Variants in BIN3 observed in about 807,000 individuals in gnomAD.
The protein encoded by BIN3 is bridging integrator 3.
Under a neutral mutation model 38.2 loss-of-function variants are expected in BIN3, and 41 were observed. The observed-to-expected ratio is 1.07, with a 90% confidence interval of 0.84 to 1.39. The LOEUF is 1.39. Ranked by LOEUF, BIN3 falls within the 40% of genes most tolerant of loss-of-function variation. The pLI is 0.00. For synonymous variants in BIN3, 145 were observed against 122.6 expected (o/e 1.18, Z -1.21); for missense variants, 361 against 324.3 (o/e 1.11, Z -0.87).
chr8:22,638,650 T>C (rs1248113267), intron 2 of BIN3, among the ~76,000 whole-genome samples: 2 of 152,222 alleles, frequency 1.3e-5, no homozygotes, highest in African/African-American at 4.8e-5. Context: ...TCTGGCTCTC[T>C]GGGCATGACA....
At chr8:22,666,300 A>C (rs1803415674) in intron 1 of BIN3, among the ~76,000 whole-genome samples, 1 of 147,524 alleles carries the variant, frequency 6.8e-6, no homozygotes, top group South Asian at 2.3e-4. Flanking sequence ...GAAGAGAGAC[A>C]GGAAGGGGAA....
intron 5 of BIN3, 77 bp downstream of exon 5, chr8:22,630,365 C>T: frequency 6.4e-7 from 1 of 1,553,972 alleles, no homozygotes; most frequent in Non-Finnish European, 8.7e-7. Context: ...CCCACTCGGG[C>T]CTCCCCGCAC....
At chr8:22,635,233 A>G (rs1802331102) in intron 4 of BIN3, among the ~76,000 whole-genome samples, 1 of 151,760 alleles carries the variant, frequency 6.6e-6, no homozygotes, top group Non-Finnish European at 1.5e-5. Flanking sequence ...CCACCTCCTT[A>G]TTTTTATTGA....
chr8:22,649,711 AAAAC>A (rs1050678002), intron 1 of BIN3, among the ~76,000 whole-genome samples: 23 of 152,216 alleles, frequency 1.5e-4, no homozygotes, highest in Middle Eastern at 3.4e-3. Flanking sequence ...AACAAAAACA[AAAAC>A]AAACAAACAA....
At chr8:22,645,506 G>A (rs1351221991) in intron 1 of BIN3, among the ~76,000 whole-genome samples, 1 of 151,088 alleles carries the variant, frequency 6.6e-6, no homozygotes, top group East Asian at 1.9e-4. Flanking sequence ...GAAGGGAACA[G>A]AAGGGAAGAA....
At chr8:22,654,237 T>C (rs1483851901) in intron 1 of BIN3, among the ~76,000 whole-genome samples, 2 of 152,222 alleles carry the variant, frequency 1.3e-5, no homozygotes, top group African/African-American at 4.8e-5. Flanking sequence ...ACTATGGATT[T>C]ATGCCTTAAA....
At chr8:22,633,287 C>G (rs4072394) in intron 4 of BIN3, among the ~76,000 whole-genome samples, 1 of 151,822 alleles carries the variant, frequency 6.6e-6, no homozygotes, top group African/African-American at 2.4e-5. Flanking sequence ...CTGGATGACA[C>G]AGTGTGACTC....
intron 1 of BIN3, among the ~76,000 whole-genome samples, chr8:22,655,474 C>A (rs1803027365): frequency 6.6e-6 from 1 of 152,180 alleles, no homozygotes; most frequent in Admixed American, 6.5e-5. Context: ...GGTAGGGGTC[C>A]AACTTCATTC....
intron 1 of BIN3, among the ~76,000 whole-genome samples, chr8:22,655,837 T>G (rs1037584479): frequency 6.6e-6 from 1 of 152,228 alleles, no homozygotes; most frequent in East Asian, 1.9e-4. Flanking sequence ...GTCCATTGTT[T>G]TAACATAGTT....
intron 6 of BIN3, chr8:22,625,436 A>G (rs1801973869): frequency 1.4e-6 from 1 of 702,338 alleles, no homozygotes; most frequent in Admixed American, 2.0e-5. Flanking sequence ...TGAGGAACCC[A>G]GAGAGGAGGA....
intron 6 of BIN3, among the ~76,000 whole-genome samples, chr8:22,629,335 C>T (rs1391143949): frequency 6.6e-6 from 1 of 152,120 alleles, no homozygotes; most frequent in Admixed American, 6.5e-5. Context: ...TGAAGTGATT[C>T]GGGGCTTTAA....
At chr8:22,658,816 G>A (rs1294284756) in intron 1 of BIN3, among the ~76,000 whole-genome samples, 1 of 152,076 alleles carries the variant, frequency 6.6e-6, no homozygotes, top group African/African-American at 2.4e-5. Flanking sequence ...GAGAATGGAG[G>A]GAGGGCTGAG....
At chr8:22,636,710 C>G (rs1010985506) in intron 3 of BIN3, 124 bp from the exon 4 acceptor site, 14 of 1,140,258 alleles carry the variant, frequency 1.2e-5, no homozygotes, top group East Asian at 2.6e-5. Flanking sequence ...GGACTTTTCC[C>G]GCTGACTGAA....
At chr8:22,623,866 C>A in intron 8 of BIN3, 49 bp downstream of exon 8, 1 of 1,589,686 alleles carries the variant, frequency 6.3e-7, no homozygotes. Context: ...CAGGGAGTGG[C>A]ATGAGCTGTG....
chr8:22,657,129 T>C (rs1803080955), intron 1 of BIN3, among the ~76,000 whole-genome samples: 2 of 152,242 alleles, frequency 1.3e-5, no homozygotes, highest in Admixed American at 1.3e-4. Flanking sequence ...GGCAGATTCC[T>C]TCTATGATCT....
intron 6 of BIN3, among the ~76,000 whole-genome samples, chr8:22,626,917 C>T (rs1023771890): frequency 2.6e-5 from 4 of 152,170 alleles, no homozygotes; most frequent in East Asian, 1.9e-4. Flanking sequence ...CTGACTACAG[C>T]GGAGTGCCGA....
At position 22,621,160 on chromosome 8, in the gene BIN3, A is replaced by T; in HGVS notation, c.*262T>A. The T allele has an allele frequency of 4.4e-6, 2 of 458,814 alleles. No individual in the cohort carries two copies. The highest frequency in any genetic ancestry group is 7.9e-6 in the Non-Finnish European group (2 of 254,156). The allele number at this position is 458,814 out of a possible 1,614,324, so 28.4% of individuals were successfully genotyped here. On this transcript the variant is annotated 3_prime_UTR_variant, in exon 9 of 9. Coordinates refer to ENST00000276416, the MANE Select transcript of BIN3 (RefSeq NM_018688.6). ...CAGCTTGCTCAGGCCGTGGGCCAGGATGCATGCTGGACGGTTCTCCAAATA... is the reference window on the plus strand; with the variant it reads ...CAGCTTGCTCAGGCCGTGGGCCAGGTTGCATGCTGGACGGTTCTCCAAATA...
intron 6 of BIN3, chr8:22,624,805 A>G (rs10108121): frequency 0.094 from 17,878 of 190,546 alleles, 1,877 homozygotes; most frequent in African/African-American, 0.28. Context: ...CACTTTTAAA[A>G]AGGAGGGAAA....
intron 1 of BIN3, among the ~76,000 whole-genome samples, chr8:22,665,482 G>A (rs1357526236): frequency 6.6e-6 from 1 of 152,222 alleles, no homozygotes; most frequent in Non-Finnish European, 1.5e-5. Context: ...TCAGAAGAGC[G>A]GCACCCAGTG....
Sources: gnomAD v4.1 joint callset for allele counts (sites outside exome capture counted in the v4.1 genomes callset) on GRCh38, gnomAD v4.1.1 for gene constraint, MANE v1.5 for transcripts, NCBI Gene and HGNC (gene_info 2026-07-23, HGNC 2026-07-21) for gene names.